Variants in CASR observed in about 807,000 individuals in gnomAD.
CASR encodes calcium sensing receptor.
Under a neutral mutation model 69.1 loss-of-function variants are expected in CASR, and 23 were observed. The ratio of observed to expected loss-of-function variants is 0.33; its 90% CI spans 0.24 to 0.47. The LOEUF (loss-of-function observed/expected upper bound fraction) is 0.47, where lower values mean the gene tolerates loss of function less well. Among genes scored for constraint, CASR ranks in the 20% least tolerant of loss-of-function variants. CASR has a pLI of 1.00. For missense variants in CASR, 924 were observed against 1,356.1 expected, an observed-to-expected ratio of 0.68 and a Z score of 5.00; for synonymous variants, 541 against 544.7, an observed-to-expected ratio of 0.99 and a Z score of 0.10.
intron 4 of CASR, 33 bp from the exon 5 acceptor site, chr3:122,275,779 T>G (rs201949096): frequency 4.2e-6 from 6 of 1,436,744 alleles, no homozygotes; most frequent in South Asian, 1.1e-5. Context: ...GTGGCAGCCC[T>G]GGGGCTTGTA....
At chr3:122,226,437 C>A (rs1371381841) in intron 1 of CASR, among the ~76,000 whole-genome samples, 1 of 152,136 alleles carries the variant, frequency 6.6e-6, no homozygotes, top group African/African-American at 2.4e-5. Context: ...AAAGAGTGAG[C>A]AGTAGCAAGA....
chr3:122,187,710 T>G (rs1477316066), intron 1 of CASR, among the ~76,000 whole-genome samples: 5 of 152,024 alleles, frequency 3.3e-5, no homozygotes, highest in Non-Finnish European at 2.9e-5. Flanking sequence ...AAGAAGAAGG[T>G]ATAATGGGAG....
intron 1 of CASR, among the ~76,000 whole-genome samples, chr3:122,201,779 C>G (rs182146287): frequency 5.3e-5 from 8 of 151,092 alleles, no homozygotes; most frequent in Non-Finnish European, 8.8e-5. Context: ...ACTTCTCAGA[C>G]GGGGCAGCGG....
intron 1 of CASR, among the ~76,000 whole-genome samples, chr3:122,250,217 A>T (rs1332869806): frequency 6.6e-6 from 1 of 152,110 alleles, no homozygotes; most frequent in Non-Finnish European, 1.5e-5. Flanking sequence ...GGACAGGGAG[A>T]TGGAGGATCT....
In CASR at chr3:122,254,163, C is replaced by T; in HGVS notation, c.-27C>T. 6.2e-7 allele frequency: 1 copy of T among 1,611,598 alleles called. No homozygotes were observed. The highest frequency in any genetic ancestry group is 8.5e-7 in the Non-Finnish European group (1 of 1,179,412). On this transcript the variant is annotated 5_prime_UTR_variant, in exon 2 of 7. Transcript: ENST00000639785. ...GCCTCCAAACTCCTAGCTGTCTCAT[C>T]CCTTGCCCTGGAGAGACGGCAGAAC...
chr3:122,253,173 A>C (rs1559954848), intron 1 of CASR, among the ~76,000 whole-genome samples: 1 of 152,228 alleles, frequency 6.6e-6, no homozygotes, highest in Non-Finnish European at 1.5e-5. Flanking sequence ...ATAAAGAATA[A>C]GTGGTCTTTT....
intron 3 of CASR, among the ~76,000 whole-genome samples, chr3:122,259,476 C>A (rs887329528): frequency 6.6e-6 from 1 of 152,086 alleles, no homozygotes; most frequent in Non-Finnish European, 1.5e-5. Context: ...AAAAAATTAT[C>A]AATTTTATAC....
chr3:122,214,390 C>T (rs2074096613), intron 1 of CASR, among the ~76,000 whole-genome samples: 1 of 152,138 alleles, frequency 6.6e-6, no homozygotes, highest in African/African-American at 2.4e-5. Flanking sequence ...GGACCCAGTC[C>T]TCCTAATCCG....
chr3:122,269,273 A>G (rs13324814), intron 4 of CASR, among the ~76,000 whole-genome samples: 25,754 of 152,236 alleles, frequency 0.17, 2,621 homozygotes, highest in East Asian at 0.4. Flanking sequence ...TTGTATAGAT[A>G]TAGTGAGGAC....
chr3:122,283,251 A>T (rs1033847287), intron 6 of CASR, among the ~76,000 whole-genome samples: 2 of 152,362 alleles, frequency 1.3e-5, no homozygotes, highest in African/African-American at 4.8e-5. Context: ...ATCCCACAAC[A>T]TTATGTTGTA....
At chr3:122,208,502 G>A (rs770622257) in intron 1 of CASR, among the ~76,000 whole-genome samples, 4 of 152,076 alleles carry the variant, frequency 2.6e-5, no homozygotes, top group Non-Finnish European at 5.9e-5. Flanking sequence ...TGATGATGGG[G>A]CATCCTTGTC....
chr3:122,265,577 T>C (rs2074683400), intron 4 of CASR, among the ~76,000 whole-genome samples: 1 of 152,214 alleles, frequency 6.6e-6, no homozygotes, highest in Non-Finnish European at 1.5e-5. Context: ...GTCTAGTTGA[T>C]TTGACCTGTC....
At chr3:122,240,603 C>T (rs1223929983) in intron 1 of CASR, among the ~76,000 whole-genome samples, 1 of 152,208 alleles carries the variant, frequency 6.6e-6, no homozygotes, top group Non-Finnish European at 1.5e-5. Flanking sequence ...CAACACCCCA[C>T]TTTCAGCATT....
At chr3:122,248,777 G>A (rs1269926984) in intron 1 of CASR, among the ~76,000 whole-genome samples, 1 of 152,164 alleles carries the variant, frequency 6.6e-6, no homozygotes, top group Non-Finnish European at 1.5e-5. Context: ...TTCCAGAAAT[G>A]TTGAGGCCAA....
intron 1 of CASR, among the ~76,000 whole-genome samples, chr3:122,242,751 T>C (rs2074390112): frequency 6.6e-6 from 1 of 152,028 alleles, no homozygotes. Flanking sequence ...ACCAGAGGAA[T>C]CACATTATCG....
intron 1 of CASR, among the ~76,000 whole-genome samples, chr3:122,237,204 G>A (rs2074337039): frequency 6.6e-6 from 1 of 151,690 alleles, no homozygotes; most frequent in Non-Finnish European, 1.5e-5. Flanking sequence ...CCACCACCCG[G>A]GTTCAAGCGA....
rs533668736 is a variant in CASR at position 122,248,591 on chromosome 3, T to C, written c.-242-5357T>C. The stretch of plus-strand genomic sequence containing the variant: ...CAAATTTGGTCTTATAATTCTCTTT[T>C]TTCTAGGCAACCTAGAATTTTTTTT... On this transcript the variant is annotated intron_variant, in intron 1 of 6. Coordinates refer to ENST00000639785, the MANE Select transcript of CASR (RefSeq NM_000388.4). Among the ~76,000 whole-genome samples, 17 of 151,786 alleles carry C rather than the reference T, an allele frequency of 1.1e-4. No individual in the cohort carries two copies. The South Asian group carries it at 2.1e-3, about 19-fold the overall frequency.
In CASR at chr3:122,285,151, G is replaced by T. The variant is rs769439564; in HGVS notation, c.3197G>T (p.Gly1066Val). The change falls in exon 7 of 7, where the codon GGT becomes GTT. Residue 1066 changes from glycine to valine, a missense_variant. Transcript: ENST00000639785. ...AGTTCACAGAGCTTTGTCATCAGTG[G>T]TGGAGGCAGCACTGTTACAGAAAAC... ...VSSSQSFVIS[G>V]GGSTVTENVV... 1.9e-6 allele frequency: 3 copies of T among 1,614,184 alleles called. No individual in the cohort carries two copies. Among genetic ancestry groups the T allele is most frequent in the Non-Finnish European group, 2.5e-6 (3 of 1,180,024 alleles).
chr3:122,252,445 G>GAAAGAAAGAAAGA (rs1559954401), intron 1 of CASR, among the ~76,000 whole-genome samples: 3 of 67,778 alleles, frequency 4.4e-5, no homozygotes, highest in East Asian at 3.3e-4. Context: ...AAGAAAGAAA[G>GAAAGAAAGAAAGA]AAAAAAAAGA....
Sources: gnomAD v4.1 joint callset for allele counts (sites outside exome capture counted in the v4.1 genomes callset) on GRCh38, gnomAD v4.1.1 for gene constraint, MANE v1.5 for transcripts, NCBI Gene and HGNC (gene_info 2026-07-23, HGNC 2026-07-21) for gene names.